SLC9A6: variants seen among roughly 807,000 people sequenced by gnomAD.
SLC9A6 encodes the protein solute carrier family 9 member A6.
In SLC9A6, 6 loss-of-function variants were observed where a neutral mutation model predicts 45.3. That is an observed-to-expected ratio of 0.13 (90% CI 0.07 to 0.26). SLC9A6 has a LOEUF of 0.26. Among genes scored for constraint, SLC9A6 ranks in the 10% least tolerant of loss-of-function variants. The probability of loss-of-function intolerance (pLI) is 1.00; values close to 1 mark genes in which losing one functional copy is unlikely to be tolerated. For synonymous variants in SLC9A6, 191 were observed against 187.7 expected (o/e 1.02, Z -0.14); for missense variants, 278 against 503.7 (o/e 0.55, Z 4.29).
chrX:136,013,153 A>G, intron 9 of SLC9A6, 99 bp downstream of exon 9: 1 of 724,859 alleles, frequency 1.4e-6, no homozygotes, highest in Non-Finnish European at 2.2e-6. Context: ...ATTTGAACAT[A>G]CTTATTGTGG....
chrX:135,994,649 A>T, intron 2 of SLC9A6, 137 bp from the exon 3 acceptor site: 1 of 572,558 alleles, frequency 1.7e-6, no homozygotes, highest in Non-Finnish European at 3.1e-6. Flanking sequence ...TTAAAACATA[A>T]CTGCATTTCA....
intron 2 of SLC9A6, among the ~76,000 whole-genome samples, chrX:135,991,262 C>CT (rs34344945): frequency 2.1e-5 from 2 of 93,150 alleles, no homozygotes; most frequent in African/African-American, 7.8e-5. Context: ...CAACTACTGC[C>CT]TTTTTTTTTT....
chrX:135,998,924 C>T lies in SLC9A6; in HGVS notation c.593C>T (p.Thr198Ile). 1 of 1,207,215 alleles carries T rather than the reference C, an allele frequency of 8.3e-7. No individual in the cohort carries two copies. The highest frequency in any genetic ancestry group is 1.1e-6 in the Non-Finnish European group (1 of 891,466). ...TGQLAGDFYF[T>I]DCLLFGAIVS... is the part of the protein sequence containing the mutation. ...CAACTTGCAGGAGATTTTTACTTTA[C>T]AGATTGCCTACTGTTTGGTGCCATT... is the stretch of plus-strand genomic sequence containing the variant. Residue 198 changes from threonine to isoleucine, a missense_variant, in exon 6 of 18, where the codon ACA (threonine) becomes ATA (isoleucine). By Grantham distance (89) the Thr-to-Ile change is moderately conservative (BLOSUM62 -1). This residue lies in a region of SLC9A6 where 118 missense variants were observed against 209.9 expected (regional missense o/e 0.56). Coordinates refer to ENST00000630721, the MANE Select transcript of SLC9A6 (RefSeq NM_001379110.1).
chrX:136,004,499 T>C (rs1222631119), intron 7 of SLC9A6, among the ~76,000 whole-genome samples: 1 of 111,920 alleles, frequency 8.9e-6, no homozygotes, highest in African/African-American at 3.2e-5. Flanking sequence ...ATTTTCTCTT[T>C]ATTTTTATTT....
chrX:135,997,013 G>A (rs898915421), intron 3 of SLC9A6, among the ~76,000 whole-genome samples: 51 of 110,916 alleles, frequency 4.6e-4, no homozygotes, highest in Middle Eastern at 4.6e-3. Context: ...TGATCCGCCC[G>A]CCTTGGCCTC....
intron 7 of SLC9A6, among the ~76,000 whole-genome samples, chrX:136,006,358 T>G (rs1035106656): frequency 9.1e-6 from 1 of 109,737 alleles, no homozygotes; most frequent in Non-Finnish European, 1.9e-5. Flanking sequence ...GATGTGCAGG[T>G]TTGTTACATA....
intron 6 of SLC9A6, among the ~76,000 whole-genome samples, chrX:136,000,254 CAAAA>C (rs1212509294): frequency 1.3e-4 from 2 of 15,785 alleles, no homozygotes; most frequent in Non-Finnish European, 2.6e-4. Flanking sequence ...ACCCTGTCTC[CAAAA>C]AAAAAAAAAA....
intron 7 of SLC9A6, among the ~76,000 whole-genome samples, chrX:136,004,398 C>G (rs999699114): frequency 6.3e-5 from 7 of 111,178 alleles, no homozygotes; most frequent in African/African-American, 2.3e-4. Context: ...CCCTGCCTAC[C>G]TACTCTTATT....
chrX:136,010,228 C>T (rs190464119), intron 7 of SLC9A6: 2 of 316,109 alleles, frequency 6.3e-6, no homozygotes, highest in East Asian at 1.2e-4. Flanking sequence ...TGTTCTACCC[C>T]CCCCCCGAAA....
At chrX:136,040,841 G>T (rs2071494796) in intron 17 of SLC9A6, among the ~76,000 whole-genome samples, 1 of 112,309 alleles carries the variant, frequency 8.9e-6, no homozygotes, top group Non-Finnish European at 1.9e-5. Context: ...TTCCATTCTG[G>T]CCAGGCGTGG....
chrX:135,983,532 AT>A (rs1307420810), upstream of SLC9A6: 2 of 109,093 alleles, frequency 1.8e-5, no homozygotes, highest in African/African-American at 6.7e-5. Context: ...CCTCAGGGGG[AT>A]TGGCTGCCTG....
At chrX:136,023,143 C>A (rs2071159278) in intron 12 of SLC9A6, among the ~76,000 whole-genome samples, 1 of 72,550 alleles carries the variant, frequency 1.4e-5, no homozygotes, top group African/African-American at 5.6e-5. Flanking sequence ...AAGTTGCATC[C>A]TTGAATAGAA....
chrX:136,010,253 A>C, intron 7 of SLC9A6, 189 bp from the exon 8 acceptor site: 3 of 245,479 alleles, frequency 1.2e-5, no homozygotes, highest in Non-Finnish European at 1.5e-5. Flanking sequence ...CATTTAAGGG[A>C]AAGCCAAGTT....
intron 2 of SLC9A6, among the ~76,000 whole-genome samples, chrX:135,991,456 C>T (rs1009536363): frequency 4.5e-5 from 5 of 111,118 alleles, no homozygotes; most frequent in Non-Finnish European, 7.5e-5. Context: ...TGAGGTTTCA[C>T]TATGTTGGCC....
chrX:136,008,763 A>T (rs1365238566), intron 7 of SLC9A6, among the ~76,000 whole-genome samples: 1 of 112,013 alleles, frequency 8.9e-6, no homozygotes, highest in Non-Finnish European at 1.9e-5. Context: ...AAAAAAAAGT[A>T]TTCATAAAAA....
rs35106450 is a variant in SLC9A6, at chrX:136,023,163, GTATATATATATATATATATATATATATA to G, written c.1306+499_1306+526del. ...GCATCCTTGAATAGAAAAAGAAAAT[GTATATATATATATATATATATATATATA>G]TATATATATATATATATATATATAT... On this transcript the variant is annotated intron_variant, in intron 12 of 17. Transcript: ENST00000630721. Among the ~76,000 whole-genome samples, 140 of 25,013 alleles carry G rather than the reference GTATATATATATATATATATATATATATA, an allele frequency of 5.6e-3. 4 individuals are homozygous for G. Among genetic ancestry groups the G allele is most frequent in the East Asian group, 0.038 (10 of 266 alleles). The allele number at this position is 25,013 out of a possible 115,157, so 21.7% of individuals were successfully genotyped here.
intron 7 of SLC9A6, 170 bp from the exon 8 acceptor site, chrX:136,010,272 A>G: frequency 3.2e-6 from 1 of 308,284 alleles, no homozygotes; most frequent in Non-Finnish European, 5.7e-6. Context: ...TTTTCTTGCT[A>G]GCCAGATACA....
At chrX:135,996,192 C>T (rs963346115) in intron 3 of SLC9A6, among the ~76,000 whole-genome samples, 6 of 107,916 alleles carry the variant, frequency 5.6e-5, no homozygotes, top group African/African-American at 1.7e-4. Flanking sequence ...CCACCATACC[C>T]GGCTAATTTT....
chrX:136,000,976 C>T (rs782108603), intron 6 of SLC9A6, among the ~76,000 whole-genome samples: 6 of 109,440 alleles, frequency 5.5e-5, no homozygotes, highest in Admixed American at 9.7e-5. Context: ...CAAAGCAAGA[C>T]CCTGTCTCTT....
Sources: allele counts gnomAD v4.1 joint callset (sites outside exome capture counted in the v4.1 genomes callset), GRCh38; gene constraint gnomAD v4.1.1; regional missense constraint gnomAD v4.1.1; transcripts MANE v1.5; gene names NCBI Gene and HGNC (gene_info 2026-07-23, HGNC 2026-07-21).